The following PTPRR variants were observed in gnomAD, a reference collection of about 807,000 sequenced individuals.
PTPRR encodes receptor-type tyrosine-protein phosphatase R.
In PTPRR, 38 loss-of-function variants were observed where a neutral mutation model predicts 77.2. The observed-to-expected ratio is 0.49, with a 90% CI of 0.38 to 0.65. PTPRR has a LOEUF of 0.65. Ranked by LOEUF, PTPRR falls within the 30% of genes least tolerant of loss-of-function variation. The pLI, the probability that PTPRR is intolerant of heterozygous loss-of-function variation, is 0.00. For missense variants in PTPRR, 744 were observed against 799.2 expected, an observed-to-expected ratio of 0.93 and a Z score of 0.83; for synonymous variants, 299 against 283.1, an observed-to-expected ratio of 1.06 and a Z score of -0.57.
Position 70,684,170 on chromosome 12 carries a change from C to T in PTPRR, c.1454G>A (p.Ser485Asn). ...TTTTGTGATCATAACAATCACAGGG[C>T]TGTCTTCCTGCCAAACCATCTGCCA... ...DFWQMVWQED[S>N]PVIVMITKLK... The change falls in exon 10 of 14, where the codon AGC becomes AAC. Residue 485 changes from serine to asparagine, a missense_variant. Transcript: ENST00000283228. 1 of 1,614,012 alleles carries T rather than the reference C, an allele frequency of 6.2e-7. No individual in the cohort carries two copies. Among genetic ancestry groups the T allele is most frequent in the Non-Finnish European group, 8.5e-7 (1 of 1,179,956 alleles).
At chr12:70,744,556 C>T (rs944358211) in intron 6 of PTPRR, among the ~76,000 whole-genome samples, 4 of 152,158 alleles carry the variant, frequency 2.6e-5, no homozygotes, top group African/African-American at 9.7e-5. Context: ...GCAATACTTT[C>T]AAATAATTAT....
At chr12:70,671,334 AT>A (rs1887214523) in intron 10 of PTPRR, among the ~76,000 whole-genome samples, 1 of 152,176 alleles carries the variant, frequency 6.6e-6, no homozygotes, top group South Asian at 2.1e-4. Flanking sequence ...AAATAACAAA[AT>A]TTTTATTGTA....
At chr12:70,770,463 C>G (rs1456658324) in intron 2 of PTPRR, among the ~76,000 whole-genome samples, 1 of 152,118 alleles carries the variant, frequency 6.6e-6, no homozygotes, top group Non-Finnish European at 1.5e-5. Context: ...CAATGAGATA[C>G]CATCTCACAC....
intron 10 of PTPRR, among the ~76,000 whole-genome samples, chr12:70,679,076 T>A (rs1421454945): frequency 1.3e-5 from 2 of 152,262 alleles, no homozygotes; most frequent in African/African-American, 4.8e-5. Context: ...TATAAACTTC[T>A]CTTTTAGAAC....
intron 10 of PTPRR, among the ~76,000 whole-genome samples, chr12:70,668,977 AAATT>A (rs1486365972): frequency 6.6e-6 from 1 of 152,212 alleles, no homozygotes; most frequent in Non-Finnish European, 1.5e-5. Context: ...TGTGGACAAT[AAATT>A]GGAAACAATT....
At chr12:70,764,616 A>AT in intron 3 of PTPRR, 49 bp downstream of exon 3, 2 of 1,474,646 alleles carry the variant, frequency 1.4e-6, no homozygotes, top group South Asian at 2.3e-5. Flanking sequence ...GATTAAAAAA[A>AT]CCACACACAC....
chr12:70,857,230 A>C (rs7959467), intron 2 of PTPRR, among the ~76,000 whole-genome samples: 103,700 of 151,984 alleles, frequency 0.68, 36,598 homozygotes, highest in African/African-American at 0.87. Flanking sequence ...GGAACACCAG[A>C]ATTTTGGAAA....
At chr12:70,894,398 C>T (rs182402624) in intron 1 of PTPRR, among the ~76,000 whole-genome samples, 90 of 151,668 alleles carry the variant, frequency 5.9e-4, no homozygotes, top group African/African-American at 2.1e-3. Flanking sequence ...TATACCTTTC[C>T]CAAAGCACAG....
In PTPRR at chr12:70,768,297, A is replaced by T. The variant is rs111903662; in HGVS notation, c.358-3519T>A. 2.6e-3 allele frequency among the ~76,000 whole-genome samples: 389 copies of T among 152,268 alleles called. 1 individual carries two copies. The highest frequency in any genetic ancestry group is 4.9e-3 in the Non-Finnish European group (334 of 68,022). ...ACTAATAAAGCAAGAGAAGAATCAA[A>T]TAGACGCAATAAAAAATGATAAAGG... is the stretch of plus-strand genomic sequence containing the variant. On this transcript the variant is annotated intron_variant, in intron 2 of 13. Coordinates refer to ENST00000283228, the MANE Select transcript of PTPRR (RefSeq NM_002849.4).
intron 8 of PTPRR, among the ~76,000 whole-genome samples, chr12:70,687,022 G>A (rs1180565409): frequency 6.6e-6 from 1 of 152,100 alleles, no homozygotes; most frequent in East Asian, 1.9e-4. Context: ...TGCACTCATT[G>A]TTGACTCCTA....
intron 2 of PTPRR, among the ~76,000 whole-genome samples, chr12:70,805,828 CTG>C (rs1281944308): frequency 6.6e-6 from 1 of 152,188 alleles, no homozygotes; most frequent in Non-Finnish European, 1.5e-5. Context: ...GAAATTTAAA[CTG>C]TGGCAGTTTG....
At chr12:70,707,099 A>G (rs963669725) in intron 6 of PTPRR, among the ~76,000 whole-genome samples, 1 of 152,174 alleles carries the variant, frequency 6.6e-6, no homozygotes, top group Non-Finnish European at 1.5e-5. Flanking sequence ...TAGCAGCAGT[A>G]TCACACATGC....
intron 2 of PTPRR, among the ~76,000 whole-genome samples, chr12:70,819,458 G>A (rs1013713217): frequency 6.6e-6 from 1 of 152,188 alleles, no homozygotes; most frequent in African/African-American, 2.4e-5. Context: ...TCAATGAGCT[G>A]TAATTTGAGG....
rs34620002 is a variant in PTPRR at position 70,885,534 on chromosome 12, A to ATTT, written c.357+7142_357+7144dup. ...TACCTTAGTTATTTAACAGTTAAGGATTTTTTTTTTTTTTTTTTGAGACGG... is the reference window on the plus strand; with the variant it reads ...TACCTTAGTTATTTAACAGTTAAGGATTTTTTTTTTTTTTTTTTTTTGAGACGG... On this transcript the variant is annotated intron_variant, in intron 2 of 13. Transcript: ENST00000283228. Among the ~76,000 whole-genome samples, 329 of 137,058 alleles carry ATTT rather than the reference A, an allele frequency of 2.4e-3. 4 individuals are homozygous for ATTT. The highest frequency in any genetic ancestry group is 0.013 in the Admixed American group (167 of 13,184). The allele number at this position is 137,058 out of a possible 152,430, so 89.9% of individuals were successfully genotyped here.
At position 70,791,302 on chromosome 12, in the gene PTPRR, C is replaced by T. The variant is rs538029585; in HGVS notation, c.358-26524G>A. Among the ~76,000 whole-genome samples the T allele has an allele frequency of 6.5e-4, 99 of 152,278 alleles. 1 individual carries two copies. The highest frequency in any genetic ancestry group is 2.4e-3 in the African/African-American group (98 of 41,572). On this transcript the variant is annotated intron_variant, in intron 2 of 13. Coordinates refer to ENST00000283228, the MANE Select transcript of PTPRR (RefSeq NM_002849.4). ...GCTGCTTTTCAAACACACCAAGCCC[C>T]CGCCAGCCTCAGAGCCTTTTTAAAA...
At chr12:70,672,238 GGTGGT>G (rs1887256643) in intron 10 of PTPRR, 1 of 1,590,002 alleles carries the variant, frequency 6.3e-7, no homozygotes, top group African/African-American at 1.3e-5. Flanking sequence ...GGCCAGATAA[GGTGGT>G]GTGTGTGGGC....
intron 2 of PTPRR, among the ~76,000 whole-genome samples, chr12:70,880,248 G>A (rs1893125949): frequency 6.6e-6 from 1 of 152,036 alleles, no homozygotes; most frequent in Non-Finnish European, 1.5e-5. Flanking sequence ...TGGGTATTAT[G>A]AGTATCACTT....
intron 2 of PTPRR, among the ~76,000 whole-genome samples, chr12:70,805,131 A>G (rs1035564568): frequency 6.6e-6 from 1 of 152,022 alleles, no homozygotes; most frequent in Non-Finnish European, 1.5e-5. Flanking sequence ...TTCTAAACCA[A>G]AAGTATAGGT....
rs1565695682 is a variant in PTPRR, at chr12:70,783,876, CGG to C, written c.358-19100_358-19099del. Among the ~76,000 whole-genome samples, 6 of 6,808 alleles carry C rather than the reference CGG, an allele frequency of 8.8e-4. No homozygotes were observed. In the South Asian group the frequency reaches 0.012, roughly 14 times the overall value. 4.5% of individuals were successfully genotyped at this position (6,808 alleles called of 152,430 possible). On this transcript the variant is annotated intron_variant, in intron 2 of 13. Transcript: ENST00000283228. ...GTGTGGGGGGGACGGGGGGGGGGGG[CGG>C]GGGGCGGGGGTTGGCACGTCAGCAC...
Sources: gnomAD v4.1 joint callset for allele counts (sites outside exome capture counted in the v4.1 genomes callset) on GRCh38, gnomAD v4.1.1 for gene constraint, MANE v1.5 for transcripts, NCBI Gene and HGNC (gene_info 2026-07-23, HGNC 2026-07-21) for gene names.